The following USP48 variants were observed in gnomAD, a reference collection of about 807,000 sequenced individuals.
The protein encoded by USP48 is ubiquitin carboxyl-terminal hydrolase 48.
USP48 carries 43 observed loss-of-function variants against 150.7 expected under a neutral mutation model. That is an observed-to-expected ratio of 0.29 (90% CI 0.22 to 0.37). The LOEUF is 0.37. Ranked by LOEUF, USP48 falls within the 10% of genes least tolerant of loss-of-function variation. The pLI is 1.00. For synonymous variants in USP48, 396 were observed against 425.9 expected (o/e 0.93, Z 0.86); for missense variants, 813 against 1,249.6 (o/e 0.65, Z 5.27).
chr1:21,707,686 CT>C (rs1234886718), intron 15 of USP48, among the ~76,000 whole-genome samples: 2 of 152,174 alleles, frequency 1.3e-5, no homozygotes, highest in Non-Finnish European at 2.9e-5. Context: ...AGAAAACTAT[CT>C]TTAAATTTCT....
intron 6 of USP48, among the ~76,000 whole-genome samples, chr1:21,749,042 G>A (rs772829840): frequency 4.6e-5 from 7 of 152,156 alleles, no homozygotes; most frequent in African/African-American, 1.4e-4. Flanking sequence ...AAAAAGAGAC[G>A]TGTAGAAAAA....
chr1:21,777,124 AC>A (rs1266131696), intron 1 of USP48, among the ~76,000 whole-genome samples: 1 of 151,570 alleles, frequency 6.6e-6, no homozygotes. Flanking sequence ...AAAAAAAAAA[AC>A]AAAACACCAA....
At position 21,768,033 on chromosome 1, in the gene USP48, C is replaced by G. The variant is rs528407131; in HGVS notation, c.135-10250G>C. Among the ~76,000 whole-genome samples, 18 of 152,104 alleles carry G rather than the reference C, an allele frequency of 1.2e-4. 1 individual carries two copies. In the South Asian group the frequency reaches 3.7e-3, roughly 32 times the overall value. ...CCATCCTGGCTAACATGGTGAAACC[C>G]CGTCTCTACTAAAAATATAAAAAAG... is the stretch of plus-strand genomic sequence containing the variant. On this transcript the variant is annotated intron_variant, in intron 1 of 26. Transcript: ENST00000308271.
chr1:21,766,417 G>C (rs2097862410), intron 1 of USP48, among the ~76,000 whole-genome samples: 1 of 152,100 alleles, frequency 6.6e-6, no homozygotes, highest in African/African-American at 2.4e-5. Flanking sequence ...AAAAGTAGTA[G>C]GCTAGGTATC....
At chr1:21,730,428 T>C (rs561367299) in intron 9 of USP48, among the ~76,000 whole-genome samples, 1 of 151,602 alleles carries the variant, frequency 6.6e-6, no homozygotes, top group East Asian at 1.9e-4. Flanking sequence ...AGCAAGACTC[T>C]GTCTCATGAA....
intron 14 of USP48, among the ~76,000 whole-genome samples, chr1:21,720,041 GAATTA>G (rs1283321910): frequency 6.6e-6 from 1 of 152,122 alleles, no homozygotes; most frequent in Non-Finnish European, 1.5e-5. Flanking sequence ...ACTGATTATA[GAATTA>G]AATTTAGTGT....
At chr1:21,729,933 A>T in intron 9 of USP48, 101 bp from the exon 10 acceptor site, 1 of 1,363,504 alleles carries the variant, frequency 7.3e-7, no homozygotes, top group Non-Finnish European at 1.0e-6. Flanking sequence ...TACACCCAAG[A>T]CACATTAACA....
rs1358899924 is a variant in USP48, at chr1:21,729,687, C to G, written c.1300+17G>C. ...TCTAAAACATTTGCCTGCTATAATC[C>G]TGGAAAACTGCTTTACCTGGAACTT... is the stretch of plus-strand genomic sequence containing the variant. On this transcript the variant is annotated intron_variant, in intron 10 of 26. Coordinates refer to ENST00000308271, the MANE Select transcript of USP48 (RefSeq NM_032236.8). The G allele has an allele frequency of 6.2e-7, 1 of 1,611,406 alleles. No individual in the cohort carries two copies. Among genetic ancestry groups the G allele is most frequent in the Admixed American group, 1.7e-5 (1 of 59,912 alleles).
intron 24 of USP48, among the ~76,000 whole-genome samples, chr1:21,688,749 A>T (rs2097586638): frequency 6.7e-6 from 1 of 148,618 alleles, no homozygotes; most frequent in African/African-American, 2.5e-5. Flanking sequence ...AGGCCGCGGC[A>T]GGAGAACTGC....
chr1:21,782,772 C>T lies in USP48; in HGVS notation c.134+52G>A, dbSNP rs2097917714. ...CTTCCTTTCCCCTACCCCGCCCGGG[C>T]TTTCCAAGGTCCGGCGCGAGGAGCC... On this transcript the variant is annotated intron_variant, in intron 1 of 26. Coordinates refer to ENST00000308271, the MANE Select transcript of USP48 (RefSeq NM_032236.8). The T allele has an allele frequency of 9.4e-6, 14 of 1,489,426 alleles. 1 individual carries two copies. In the South Asian group the frequency reaches 1.7e-4, roughly 18 times the overall value. 92.3% of individuals were successfully genotyped at this position (1,489,426 alleles called of 1,614,324 possible).
intron 3 of USP48, among the ~76,000 whole-genome samples, chr1:21,755,891 C>T (rs2097832005): frequency 6.6e-6 from 1 of 152,134 alleles, no homozygotes; most frequent in Non-Finnish European, 1.5e-5. Context: ...TTAGGCCAGG[C>T]ACAGTGGCTC....
At chr1:21,754,085 C>T (rs1040510906) in intron 3 of USP48, among the ~76,000 whole-genome samples, 5 of 151,970 alleles carry the variant, frequency 3.3e-5, no homozygotes, top group African/African-American at 7.3e-5. Flanking sequence ...CACTTGAACC[C>T]GACAGGCGGA....
intron 1 of USP48, among the ~76,000 whole-genome samples, chr1:21,770,914 G>A (rs111837444): frequency 0.054 from 8,243 of 151,576 alleles, 377 homozygotes; most frequent in African/African-American, 0.12. Context: ...CCTGAGGCCC[G>A]GAGTTGAAGA....
At chr1:21,781,792 G>A (rs191340636) in intron 1 of USP48, 2 of 152,342 alleles carry the variant, frequency 1.3e-5, no homozygotes, top group East Asian at 1.9e-4. Flanking sequence ...AACTAATTAC[G>A]TTGAGAAACT....
intron 23 of USP48, among the ~76,000 whole-genome samples, chr1:21,693,127 T>C (rs1277479377): frequency 6.6e-6 from 1 of 152,128 alleles, no homozygotes; most frequent in Non-Finnish European, 1.5e-5. Context: ...TGCCAAAATA[T>C]TCTACTTTCT....
chr1:21,701,280 C>T (rs2097655639), intron 22 of USP48, among the ~76,000 whole-genome samples: 2 of 146,506 alleles, frequency 1.4e-5, no homozygotes, highest in Admixed American at 7.0e-5. Flanking sequence ...GCAGGAGAAT[C>T]ATTTAAACCC....
chr1:21,756,134 G>C (rs957934252), intron 3 of USP48, among the ~76,000 whole-genome samples: 2 of 150,422 alleles, frequency 1.3e-5, no homozygotes, highest in African/African-American at 4.9e-5. Flanking sequence ...CATTGCACTA[G>C]AGCGTGGGCA....
In USP48 at chr1:21,693,967, G is replaced by A. The variant is rs552748288; in HGVS notation, c.2883+1099C>T. ...ACTATGCCACATAAAAGTAGCAAAG[G>A]AGGAAATTTGGTCAACTTTTTGGAT... is the stretch of plus-strand genomic sequence containing the variant. On this transcript the variant is annotated intron_variant, in intron 23 of 26. Coordinates refer to ENST00000308271, the MANE Select transcript of USP48 (RefSeq NM_032236.8). Among the ~76,000 whole-genome samples, 19 of 152,294 alleles carry A rather than the reference G, an allele frequency of 1.2e-4. No individual in the cohort carries two copies. The South Asian group carries it at 3.7e-3, about 30-fold the overall frequency.
chr1:21,721,201 A>G, intron 13 of USP48, 35 bp from the exon 14 acceptor site: 1 of 1,609,872 alleles, frequency 6.2e-7, no homozygotes, highest in Non-Finnish European at 8.5e-7. Context: ...TCATATAAGT[A>G]ATATTTCCAA....
Sources: gnomAD v4.1 joint callset for allele counts (sites outside exome capture counted in the v4.1 genomes callset) on GRCh38, gnomAD v4.1.1 for gene constraint, MANE v1.5 for transcripts, NCBI Gene and HGNC (gene_info 2026-07-23, HGNC 2026-07-21) for gene names.